IDE: variants seen among roughly 807,000 people sequenced by gnomAD.
IDE encodes the protein insulin degrading enzyme, also known as insulin-degrading enzyme.
In IDE, 58 loss-of-function variants were observed where a neutral mutation model predicts 133.2. The observed-to-expected ratio is 0.44, with a 90% CI of 0.35 to 0.54. The LOEUF is 0.54. Ranked by LOEUF, IDE falls within the 20% of genes least tolerant of loss-of-function variation. IDE has a pLI of 0.00. For synonymous variants in IDE, 396 were observed against 421.3 expected, an observed-to-expected ratio of 0.94 and a Z score of 0.73; for missense variants, 981 against 1,234.0, an observed-to-expected ratio of 0.79 and a Z score of 3.07.
chr10:92,505,518 A>G (rs1195011681), intron 10 of IDE, among the ~76,000 whole-genome samples: 2 of 152,230 alleles, frequency 1.3e-5, no homozygotes, highest in African/African-American at 4.8e-5. Context: ...TATGGATACA[A>G]AAGTAGGTAA....
chr10:92,483,355 T>C lies in IDE; in HGVS notation c.1657-18A>G, dbSNP rs184162319. 1.0e-4 allele frequency: 154 copies of C among 1,484,888 alleles called. No homozygotes were observed. In the African/African-American group the frequency reaches 1.9e-3, roughly 18 times the overall value. 92.0% of individuals were successfully genotyped at this position (1,484,888 alleles called of 1,614,324 possible). ...GCTGTATCCTGTGATGGAGAAACAA[T>C]TTGGTTAGGGAAATAGAGGCGCATT... On this transcript the variant is annotated intron_variant, in intron 13 of 24. Coordinates refer to ENST00000265986, the MANE Select transcript of IDE (RefSeq NM_004969.4).
At position 92,531,944 on chromosome 10, in the gene IDE, T is replaced by C. The variant is rs7901064; in HGVS notation, c.492-27A>G. The C allele has an allele frequency of 1.3e-3, 1,853 of 1,436,086 alleles. 20 individuals are homozygous for C. The African/African-American group carries it at 0.024, about 18-fold the overall frequency. The allele number at this position is 1,436,086 out of a possible 1,614,324, so 89.0% of individuals were successfully genotyped here. A position where few individuals can be genotyped will look rare whatever the true frequency, so the allele number is the denominator to read the frequency against. ...TAAGGGTACGAAACATAATTAAAAC[T>C]TGAAAGATGTCATTTTAAAACAATA... On this transcript the variant is annotated intron_variant, in intron 3 of 24. Coordinates refer to ENST00000265986, the MANE Select transcript of IDE (RefSeq NM_004969.4).
At chr10:92,501,507 T>C (rs1160298558) in intron 11 of IDE, among the ~76,000 whole-genome samples, 1 of 137,154 alleles carries the variant, frequency 7.3e-6, no homozygotes, top group African/African-American at 2.8e-5. Flanking sequence ...CTGTCTCTAC[T>C]AAAAATACAA....
At chr10:92,485,125 C>CTTTTT (rs34615998) in intron 13 of IDE, among the ~76,000 whole-genome samples, 629 of 100,762 alleles carry the variant, frequency 6.2e-3, no homozygotes, top group African/African-American at 8.3e-3. Context: ...TTCTTTCTTT[C>CTTTTT]TTTTTTTTTT....
chr10:92,558,969 T>G (rs1397142712), intron 1 of IDE: 1 of 147,074 alleles, frequency 6.8e-6, no homozygotes, highest in African/African-American at 2.5e-5. Context: ...AGAAAAAGGA[T>G]CTGAGTAGAC....
intron 11 of IDE, among the ~76,000 whole-genome samples, chr10:92,492,397 G>T (rs531234765): frequency 6.6e-6 from 1 of 152,318 alleles, no homozygotes; most frequent in South Asian, 2.1e-4. Flanking sequence ...AGCCATCCCT[G>T]TGTAGCACTA....
intron 1 of IDE, among the ~76,000 whole-genome samples, chr10:92,566,754 T>A (rs931980638): frequency 6.6e-6 from 1 of 152,118 alleles, no homozygotes; most frequent in African/African-American, 2.4e-5. Context: ...AGAGTTTAAT[T>A]GGATTGTTTG....
intron 19 of IDE, among the ~76,000 whole-genome samples, chr10:92,466,613 G>C (rs1201597035): frequency 3.7e-5 from 5 of 134,340 alleles, no homozygotes; most frequent in African/African-American, 1.5e-4. Context: ...CACCACGCCT[G>C]GCCCTTTTCT....
intron 4 of IDE, among the ~76,000 whole-genome samples, chr10:92,520,634 A>G (rs1332241539): frequency 6.6e-6 from 1 of 152,210 alleles, no homozygotes; most frequent in Non-Finnish European, 1.5e-5. Context: ...ATCTTCTAAA[A>G]ATCCTGGAAG....
chr10:92,538,956 CA>C (rs1279277325), intron 1 of IDE, among the ~76,000 whole-genome samples: 2 of 152,082 alleles, frequency 1.3e-5, no homozygotes, highest in Non-Finnish European at 2.9e-5. Context: ...TAAAGACTGA[CA>C]GCTAGATTTA....
Position 92,508,800 on chromosome 10 carries a change from G to A in IDE, c.988C>T (p.Pro330Ser). Reference protein sequence around the residue: ...PDLQKYYKSNPGHYLGHLIGH... With the variant: ...PDLQKYYKSNSGHYLGHLIGH... ...ATGAGATGACCAAGATAATGACCAG[G>A]ATTTGATTTGTAGTATTTCTGAAGG... The change falls in exon 7 of 25, where the codon CCT (proline) becomes TCT (serine). Residue 330 changes from proline (P) to serine (S), a missense_variant. Physicochemically the swap from Pro to Ser is moderately conservative, Grantham distance 74. Around this residue, in one of 2 missense-constraint regions of IDE, gnomAD observed 660 missense variants for 894.7 expected, o/e 0.74. Coordinates refer to ENST00000265986, the MANE Select transcript of IDE (RefSeq NM_004969.4). The A allele has an allele frequency of 9.9e-6, 16 of 1,613,630 alleles. No individual in the cohort carries two copies. The highest frequency in any genetic ancestry group is 1.4e-5 in the Non-Finnish European group (16 of 1,179,578).
At chr10:92,560,759 G>A (rs1209969325) in intron 1 of IDE, among the ~76,000 whole-genome samples, 1 of 151,858 alleles carries the variant, frequency 6.6e-6, no homozygotes, top group Non-Finnish European at 1.5e-5. Flanking sequence ...CTCCAGCCTA[G>A]GCGACAGAGC....
intron 4 of IDE, among the ~76,000 whole-genome samples, chr10:92,516,450 T>C (rs932943122): frequency 4.6e-5 from 7 of 152,148 alleles, no homozygotes; most frequent in Non-Finnish European, 7.4e-5. Flanking sequence ...GCCAAGATTG[T>C]ACCACTGCAC....
At chr10:92,479,932 T>G (rs532001114) in intron 14 of IDE, among the ~76,000 whole-genome samples, 1 of 152,344 alleles carries the variant, frequency 6.6e-6, no homozygotes, top group East Asian at 1.9e-4. Flanking sequence ...TGTGAAAATG[T>G]TAGCTTATCC....
intron 4 of IDE, among the ~76,000 whole-genome samples, chr10:92,526,845 CA>C (rs1165598095): frequency 0.038 from 2,052 of 54,308 alleles, 9 homozygotes; most frequent in Admixed American, 0.068. Flanking sequence ...GGCCCTGTCT[CA>C]AAAAAAAAAA....
chr10:92,520,310 A>G (rs976390839), intron 4 of IDE, among the ~76,000 whole-genome samples: 15 of 152,218 alleles, frequency 9.9e-5, no homozygotes, highest in Non-Finnish European at 7.3e-5. Flanking sequence ...AATAAAGCTT[A>G]CAAACTCAGC....
intron 19 of IDE, among the ~76,000 whole-genome samples, chr10:92,468,537 T>C (rs1222174336): frequency 6.6e-6 from 1 of 152,238 alleles, no homozygotes; most frequent in East Asian, 1.9e-4. Context: ...TCCAATTAAA[T>C]ATTATAATTC....
At chr10:92,545,892 C>T (rs776711498) in intron 1 of IDE, among the ~76,000 whole-genome samples, 1 of 152,310 alleles carries the variant, frequency 6.6e-6, no homozygotes. Flanking sequence ...TGGCACTATA[C>T]ACTAAAGCTC....
At chr10:92,538,202 T>C (rs1842118476) in intron 1 of IDE, among the ~76,000 whole-genome samples, 2 of 152,172 alleles carry the variant, frequency 1.3e-5, no homozygotes, top group African/African-American at 4.8e-5. Context: ...TCACACTATT[T>C]CAGAGGTATC....
Sources: allele counts gnomAD v4.1 joint callset (sites outside exome capture counted in the v4.1 genomes callset), GRCh38; gene constraint gnomAD v4.1.1; regional missense constraint gnomAD v4.1.1; transcripts MANE v1.5; gene names NCBI Gene and HGNC (gene_info 2026-07-23, HGNC 2026-07-21).